The following UTRN variants were observed in gnomAD, a reference collection of about 807,000 sequenced individuals.
UTRN encodes the protein utrophin, also known as dystrophin-related protein 1.
Under a neutral mutation model 463.9 loss-of-function variants are expected in UTRN, and 283 were observed. The ratio of observed to expected loss-of-function variants is 0.61; its 90% CI spans 0.55 to 0.67. The LOEUF (loss-of-function observed/expected upper bound fraction) is 0.67, where lower values mean the gene tolerates loss of function less well. UTRN is among the 30% of genes least tolerant of loss of function. UTRN has a pLI of 0.00. For missense variants in UTRN, 3,922 were observed against 4,084.3 expected (o/e 0.96, Z 1.08); for synonymous variants, 1,442 against 1,431.5 (o/e 1.01, Z -0.17).
intron 69 of UTRN, among the ~76,000 whole-genome samples, chr6:144,831,287 T>C (rs1359608483): frequency 1.3e-5 from 2 of 152,100 alleles, no homozygotes; most frequent in African/African-American, 4.8e-5. Context: ...TTATCCTGGA[T>C]AATCCAGATG....
At chr6:144,727,984 C>T (rs1367581421) in intron 53 of UTRN, among the ~76,000 whole-genome samples, 1 of 151,614 alleles carries the variant, frequency 6.6e-6, no homozygotes, top group African/African-American at 2.4e-5. Flanking sequence ...CCTGTAATCC[C>T]AGCTACTTGG....
chr6:144,567,456 C>T (rs1489954313), intron 50 of UTRN, among the ~76,000 whole-genome samples: 2 of 152,116 alleles, frequency 1.3e-5, no homozygotes, highest in African/African-American at 2.4e-5. Context: ...CTATTTATTT[C>T]CTGACAATCA....
chr6:144,450,090 G>A (rs1006161669), intron 17 of UTRN, among the ~76,000 whole-genome samples: 5 of 152,024 alleles, frequency 3.3e-5, no homozygotes, highest in Admixed American at 1.3e-4. Flanking sequence ...CTGTCCTTTC[G>A]TCTTCCTTCC....
chr6:144,637,221 C>T (rs889469819), intron 51 of UTRN, among the ~76,000 whole-genome samples: 4 of 152,114 alleles, frequency 2.6e-5, no homozygotes, highest in African/African-American at 9.7e-5. Flanking sequence ...CTAACTGCCT[C>T]GTCCCTCCAA....
At chr6:144,316,528 T>C (rs1391009499) in intron 2 of UTRN, among the ~76,000 whole-genome samples, 1 of 152,246 alleles carries the variant, frequency 6.6e-6, no homozygotes, top group African/African-American at 2.4e-5. Flanking sequence ...CCAAAGTCAA[T>C]GTTTTTCACA....
chr6:144,445,351 CAAAA>C (rs11419379), intron 14 of UTRN, among the ~76,000 whole-genome samples: 1 of 106,532 alleles, frequency 9.4e-6, no homozygotes, highest in Non-Finnish European at 1.8e-5. Context: ...GACTCCCTCT[CAAAA>C]AAAAAAAAAA....
intron 51 of UTRN, among the ~76,000 whole-genome samples, chr6:144,650,932 A>C (rs187710996): frequency 6.6e-6 from 1 of 151,998 alleles, no homozygotes; most frequent in African/African-American, 2.4e-5. Flanking sequence ...AATAATAATA[A>C]TTACTGGTCA....
At chr6:144,590,876 G>A (rs112916789) in intron 51 of UTRN, among the ~76,000 whole-genome samples, 4 of 100,362 alleles carry the variant, frequency 4.0e-5, no homozygotes, top group South Asian at 7.4e-4. Flanking sequence ...ACACACACAC[G>A]CACATGCACA....
At chr6:144,602,435 G>A (rs571979116) in intron 51 of UTRN, among the ~76,000 whole-genome samples, 115 of 152,042 alleles carry the variant, frequency 7.6e-4, no homozygotes, top group African/African-American at 2.6e-3. Context: ...CACTGTGCCC[G>A]GCCTCCTACA....
intron 51 of UTRN, among the ~76,000 whole-genome samples, chr6:144,590,257 G>A (rs1177205526): frequency 6.6e-6 from 1 of 152,132 alleles, no homozygotes; most frequent in Admixed American, 6.6e-5. Flanking sequence ...AGGAAATAAA[G>A]ATTTTTAAAA....
At chr6:144,836,776 T>C (rs1781143295) in intron 71 of UTRN, among the ~76,000 whole-genome samples, 1 of 152,252 alleles carries the variant, frequency 6.6e-6, no homozygotes, top group Non-Finnish European at 1.5e-5. Context: ...TCTTTAACAA[T>C]GAAGTCCGCC....
At chr6:144,686,957 G>T (rs1407306294) in intron 52 of UTRN, among the ~76,000 whole-genome samples, 4 of 152,034 alleles carry the variant, frequency 2.6e-5, no homozygotes, top group Non-Finnish European at 5.9e-5. Context: ...TTTCTTTATT[G>T]TGTTATTGTT....
intron 61 of UTRN, among the ~76,000 whole-genome samples, chr6:144,784,645 C>T (rs968993586): frequency 2.0e-5 from 3 of 152,200 alleles, no homozygotes; most frequent in African/African-American, 7.2e-5. Flanking sequence ...ATGCTCTTTT[C>T]ACTGGACAGC....
intron 2 of UTRN, among the ~76,000 whole-genome samples, chr6:144,309,005 G>C (rs1805998336): frequency 6.6e-6 from 1 of 152,162 alleles, no homozygotes; most frequent in African/African-American, 2.4e-5. Context: ...TCTTGTCAAA[G>C]TTATTAGGGA....
chr6:144,345,702 G>A (rs930329206), intron 2 of UTRN, among the ~76,000 whole-genome samples: 1 of 152,010 alleles, frequency 6.6e-6, no homozygotes, highest in African/African-American at 2.4e-5. Context: ...GCAATTGCAG[G>A]CTTGTGGCCT....
Position 144,490,052 on chromosome 6 carries a change from C to T in UTRN, c.4135-19C>T, listed in dbSNP as rs1360811614. 1.2e-6 allele frequency: 2 copies of T among 1,602,954 alleles called. No homozygotes were observed. Among genetic ancestry groups the T allele is most frequent in the South Asian group, 1.1e-5 (1 of 88,012 alleles). Reference sequence around the variant, plus strand: ...TAAAAAAAAAAGGACATCCTCTCCCCTTTCCAATCTCTTTTTAGAAAATCC... The same window carrying T: ...TAAAAAAAAAAGGACATCCTCTCCCTTTTCCAATCTCTTTTTAGAAAATCC... On this transcript the variant is annotated intron_variant, in intron 30 of 74. Coordinates refer to ENST00000367545, the MANE Select transcript of UTRN (RefSeq NM_007124.3).
chr6:144,807,059 C>G (rs937239861), intron 65 of UTRN, among the ~76,000 whole-genome samples: 1 of 152,076 alleles, frequency 6.6e-6, no homozygotes, highest in Non-Finnish European at 1.5e-5. Flanking sequence ...ATAAGCAACA[C>G]TTGAGTGTTA....
chr6:144,709,763 A>G (rs1785477051), intron 53 of UTRN, among the ~76,000 whole-genome samples: 1 of 152,244 alleles, frequency 6.6e-6, no homozygotes, highest in Admixed American at 6.5e-5. Context: ...ATGATCTCAT[A>G]AATGCAAGTT....
intron 3 of UTRN, among the ~76,000 whole-genome samples, chr6:144,410,822 A>ATGTG (rs1783834669): frequency 3.2e-5 from 4 of 125,324 alleles, no homozygotes; most frequent in African/African-American, 1.2e-4. Context: ...GTGTGTGTGT[A>ATGTG]TATACACACC....
Sources: allele counts gnomAD v4.1 joint callset (sites outside exome capture counted in the v4.1 genomes callset), GRCh38; gene constraint gnomAD v4.1.1; transcripts MANE v1.5; gene names NCBI Gene and HGNC (gene_info 2026-07-23, HGNC 2026-07-21).